Variants in GALNT13 observed in about 807,000 individuals in gnomAD.
The protein encoded by GALNT13 is UDP-GalNAc:polypeptide N-acetylgalactosaminyltransferase 13.
Under a neutral mutation model 64.2 loss-of-function variants are expected in GALNT13, and 28 were observed. The observed-to-expected ratio is 0.44, with a 90% CI of 0.32 to 0.60. The LOEUF (loss-of-function observed/expected upper bound fraction) is 0.60. Ranked by LOEUF, GALNT13 falls within the 20% of genes least tolerant of loss-of-function variation. The probability of loss-of-function intolerance (pLI) is 0.05; values close to 1 mark genes in which losing one functional copy is unlikely to be tolerated. For missense variants in GALNT13, 577 were observed against 669.8 expected, an observed-to-expected ratio of 0.86 and a Z score of 1.53; for synonymous variants, 214 against 224.6, an observed-to-expected ratio of 0.95 and a Z score of 0.42.
intron 3 of GALNT13, among the ~76,000 whole-genome samples, chr2:153,991,809 C>A (rs1351994288): frequency 1.3e-5 from 2 of 152,064 alleles, no homozygotes; most frequent in Non-Finnish European, 2.9e-5. Flanking sequence ...TCTATTTATA[C>A]TTACTTAAAA....
chr2:153,175,013 G>A, the GALNT13 span, among the ~76,000 whole-genome samples: 1 of 152,002 alleles, frequency 6.6e-6, no homozygotes, highest in Non-Finnish European at 1.5e-5. Context: ...TGATTACTCT[G>A]GGTGTTTGAT....
downstream of GALNT13, chr2:154,454,554 T>G (rs1308313284): frequency 6.6e-6 from 1 of 152,010 alleles, no homozygotes; most frequent in Non-Finnish European, 1.5e-5. Flanking sequence ...TTCCAACTAC[T>G]TGGGAGGCTG....
chr2:153,770,410 G>A, the GALNT13 span, among the ~76,000 whole-genome samples: 4 of 152,144 alleles, frequency 2.6e-5, no homozygotes, highest in Non-Finnish European at 5.9e-5. Flanking sequence ...GGTTGTAGTA[G>A]TCATGTTCTA....
the GALNT13 span, among the ~76,000 whole-genome samples, chr2:153,783,200 C>A: frequency 6.6e-6 from 1 of 152,132 alleles, no homozygotes; most frequent in African/African-American, 2.4e-5. Flanking sequence ...AAATACATAT[C>A]ATGAAAATCA....
chr2:154,223,597 A>G (rs2105827377), intron 4 of GALNT13, among the ~76,000 whole-genome samples: 1 of 151,576 alleles, frequency 6.6e-6, no homozygotes, highest in East Asian at 1.9e-4. Context: ...GATTACAGAT[A>G]TGTGCCACCA....
At chr2:153,930,650 G>T (rs775234787) in intron 2 of GALNT13, among the ~76,000 whole-genome samples, 1 of 152,042 alleles carries the variant, frequency 6.6e-6, no homozygotes, top group Middle Eastern at 3.4e-3. Flanking sequence ...CTTTATTCCT[G>T]GGTTCTTTCT....
At chr2:154,253,452 G>A (rs1229647311) in intron 7 of GALNT13, among the ~76,000 whole-genome samples, 1 of 151,976 alleles carries the variant, frequency 6.6e-6, no homozygotes, top group Non-Finnish European at 1.5e-5. Flanking sequence ...ATACTTTTTT[G>A]AGACTTTTAC....
chr2:153,743,533 A>G, the GALNT13 span, among the ~76,000 whole-genome samples: 1 of 147,576 alleles, frequency 6.8e-6, no homozygotes, highest in South Asian at 2.1e-4. Context: ...TTATTTATCT[A>G]TTTTTATTTT....
chr2:154,192,291 G>C (rs761372542), intron 4 of GALNT13, among the ~76,000 whole-genome samples: 3 of 152,172 alleles, frequency 2.0e-5, no homozygotes, highest in Non-Finnish European at 4.4e-5. Flanking sequence ...ATAGGCACAG[G>C]ATGGGGGTGT....
Position 154,384,740 on chromosome 2 carries a change from T to C in GALNT13, c.1157-11251T>C, listed in dbSNP as rs575858616. Among the ~76,000 whole-genome samples the C allele has an allele frequency of 5.3e-5, 8 of 152,084 alleles. 1 individual carries two copies. The highest frequency in any genetic ancestry group is 1.7e-4 in the African/African-American group (7 of 41,554). On this transcript the variant is annotated intron_variant, in intron 9 of 12. Coordinates refer to ENST00000392825, the MANE Select transcript of GALNT13 (RefSeq NM_052917.4). The stretch of plus-strand genomic sequence containing the variant: ...TCATGTGTTTCCTACCCACTGTCAT[T>C]CTCAGTGCCATTAAGAAGATTGACA...
At chr2:153,259,356 G>T in the GALNT13 span, among the ~76,000 whole-genome samples, 1 of 151,470 alleles carries the variant, frequency 6.6e-6, no homozygotes, top group South Asian at 2.1e-4. Context: ...AGATCATTAG[G>T]TCTTGTATTT....
At chr2:153,426,985 G>T in the GALNT13 span, among the ~76,000 whole-genome samples, 1 of 151,886 alleles carries the variant, frequency 6.6e-6, no homozygotes, top group African/African-American at 2.4e-5. Flanking sequence ...AAACATTAGA[G>T]TATTGCTCAT....
At chr2:153,553,576 T>A in the GALNT13 span, among the ~76,000 whole-genome samples, 1 of 152,160 alleles carries the variant, frequency 6.6e-6, no homozygotes, top group South Asian at 2.1e-4. Flanking sequence ...CATGTTAAAA[T>A]CATCAAGAAA....
chr2:153,439,610 A>G, the GALNT13 span, among the ~76,000 whole-genome samples: 103 of 152,218 alleles, frequency 6.8e-4, 2 homozygotes, highest in African/African-American at 2.3e-3. Context: ...GCATAGGACA[A>G]TCTCAGCCAT....
chr2:153,069,973 T>C, the GALNT13 span, among the ~76,000 whole-genome samples: 5 of 152,160 alleles, frequency 3.3e-5, no homozygotes, highest in Admixed American at 1.3e-4. Flanking sequence ...TACTAACTTC[T>C]TGCATAAAGA....
At chr2:154,037,088 T>C (rs1423201685) in intron 3 of GALNT13, among the ~76,000 whole-genome samples, 1 of 152,136 alleles carries the variant, frequency 6.6e-6, no homozygotes, top group Non-Finnish European at 1.5e-5. Context: ...TTAAAAGGAA[T>C]TAAAGGTGAT....
the GALNT13 span, among the ~76,000 whole-genome samples, chr2:153,820,053 A>T: frequency 6.6e-6 from 1 of 152,246 alleles, no homozygotes; most frequent in Non-Finnish European, 1.5e-5. Flanking sequence ...AAACATTTTT[A>T]AAAGAAGCTG....
chr2:154,061,854 C>G (rs1700205711), intron 3 of GALNT13, among the ~76,000 whole-genome samples: 1 of 152,054 alleles, frequency 6.6e-6, no homozygotes, highest in Admixed American at 6.6e-5. Flanking sequence ...ATGTGATCTG[C>G]TTTTTCTAAC....
At chr2:154,394,288 G>C (rs932427994) in intron 9 of GALNT13, among the ~76,000 whole-genome samples, 1 of 151,962 alleles carries the variant, frequency 6.6e-6, no homozygotes, top group East Asian at 1.9e-4. Flanking sequence ...CAAAAGAATA[G>C]TATTTCATGA....
Sources: gnomAD v4.1 joint callset for allele counts (sites outside exome capture counted in the v4.1 genomes callset) on GRCh38, gnomAD v4.1.1 for gene constraint, MANE v1.5 for transcripts, NCBI Gene and HGNC (gene_info 2026-07-23, HGNC 2026-07-21) for gene names.